Variants in SELENON observed in about 807,000 individuals in gnomAD.
The protein encoded by SELENON is selenoprotein N, 1.
Under a neutral mutation model 59.5 loss-of-function variants are expected in SELENON, and 44 were observed. The ratio of observed to expected loss-of-function variants is 0.74; its 90% CI spans 0.58 to 0.95. The LOEUF (loss-of-function observed/expected upper bound fraction) is 0.95. Among genes scored for constraint, SELENON ranks in the 40% least tolerant of loss-of-function variants. The probability of loss-of-function intolerance (pLI) is 0.00; values close to 1 mark genes in which losing one functional copy is unlikely to be tolerated. For synonymous variants in SELENON, 320 were observed against 305.6 expected (o/e 1.05, Z -0.49); for missense variants, 674 against 721.4 (o/e 0.93, Z 0.75).
chr1:25,808,492 G>C, intron 4 of SELENON, 88 bp from the exon 4 acceptor site: 1 of 1,507,196 alleles, frequency 6.6e-7, no homozygotes, highest in South Asian at 1.1e-5. Context: ...GCTGGCTCGG[G>C]GCTTGAGGGA....
At position 25,808,732 on chromosome 1, in the gene SELENON, G is replaced by A. The variant is rs758811788; in HGVS notation, c.690G>A (p.Met230Ile). 6.2e-7 allele frequency: 1 copy of A among 1,614,094 alleles called. No individual in the cohort carries two copies. The highest frequency in any genetic ancestry group is 1.1e-5 in the South Asian group (1 of 91,090). The change falls in exon 5 of 13, where the codon ATG (methionine) becomes ATA (isoleucine). Residue 230 changes from methionine (M) to isoleucine (I), a missense_variant. By Grantham distance (10) the Met-to-Ile change is conservative (BLOSUM62 1). Transcript: ENST00000361547. ...GGATCATCCCCAGTGAGCTGAGCATGTTCACTGGCTACCTGTCCAACAACC... is the reference window on the plus strand; with the variant it reads ...GGATCATCCCCAGTGAGCTGAGCATATTCACTGGCTACCTGTCCAACAACC...
intron 4 of SELENON, among the ~76,000 whole-genome samples, 173 bp downstream of exon 3, chr1:25,805,448 C>G (rs2124442919): frequency 6.6e-6 from 1 of 152,264 alleles, no homozygotes; most frequent in East Asian, 1.9e-4. Flanking sequence ...GCTGGGGGAG[C>G]AGGAGAGAGA....
At chr1:25,805,451 G>A (rs1307472277) in intron 4 of SELENON, among the ~76,000 whole-genome samples, 176 bp downstream of exon 3, 1 of 152,184 alleles carries the variant, frequency 6.6e-6, no homozygotes, top group Non-Finnish European at 1.5e-5. Context: ...GGGGGAGCAG[G>A]AGAGAGAAGC....
At position 25,813,028 on chromosome 1, in the gene SELENON, G is replaced by C. The variant is rs374818897; in HGVS notation, c.1387+236G>C. On this transcript the variant is annotated intron_variant, in intron 10 of 12. Coordinates refer to ENST00000361547, the MANE Select transcript of SELENON (RefSeq NM_020451.3). Reference sequence around the variant, plus strand: ...GTTCAAACTCAGCCATTGTCAGCTTGGTAACCTTGACCAAGTGTCTTCCCC... The same window carrying C: ...GTTCAAACTCAGCCATTGTCAGCTTCGTAACCTTGACCAAGTGTCTTCCCC... 1.2e-3 allele frequency among the ~76,000 whole-genome samples: 177 copies of C among 152,268 alleles called. 1 individual carries two copies. The highest frequency in any genetic ancestry group is 4.1e-3 in the African/African-American group (172 of 41,550).
At chr1:25,804,677 CAGG>C (rs1439820204) in intron 3 of SELENON, among the ~76,000 whole-genome samples, 1 of 109,518 alleles carries the variant, frequency 9.1e-6, no homozygotes, top group Non-Finnish European at 1.7e-5. Context: ...AAAAAAAAAG[CAGG>C]GGAAAGTGGG....
intron 9 of SELENON, among the ~76,000 whole-genome samples, chr1:25,812,177 C>G (rs1295559132): frequency 6.6e-6 from 1 of 151,982 alleles, no homozygotes. Context: ...CCCATATCTA[C>G]AAAAGAATTT....
At position 25,807,553 on chromosome 1, in the gene SELENON, C is replaced by T. The variant is rs935272736; in HGVS notation, c.538-1027C>T. Reference sequence around the variant, plus strand: ...AGGAGCAGCACCCCTAGCCCTGGCCCCCGAGCAGAGCCCCAGCAAGCCCAG... The same window carrying T: ...AGGAGCAGCACCCCTAGCCCTGGCCTCCGAGCAGAGCCCCAGCAAGCCCAG... On this transcript the variant is annotated intron_variant, in intron 4 of 12. Transcript: ENST00000361547. This position sits in a 1 kb window ranked among gnomAD's most constrained non-coding sequence, Gnocchi z 4.5. 2.0e-5 allele frequency among the ~76,000 whole-genome samples: 3 copies of T among 152,304 alleles called. No individual in the cohort carries two copies. Among genetic ancestry groups the T allele is most frequent in the African/African-American group, 7.2e-5 (3 of 41,580 alleles).
rs1385817288 is a variant in SELENON at position 25,807,100 on chromosome 1, G to A, written c.538-1480G>A. On this transcript the variant is annotated intron_variant, in intron 4 of 12. Coordinates refer to ENST00000361547, the MANE Select transcript of SELENON (RefSeq NM_020451.3). This position sits in a 1 kb window ranked among gnomAD's most constrained non-coding sequence, Gnocchi z 4.5. ...GCCTCCCGAATTATAGGCGTACAGGGATTATAGGGATTACAGGTGTGAGCC... is the reference window on the plus strand; with the variant it reads ...GCCTCCCGAATTATAGGCGTACAGGAATTATAGGGATTACAGGTGTGAGCC... Among the ~76,000 whole-genome samples the A allele has an allele frequency of 6.6e-6, 1 of 151,802 alleles. No homozygotes were observed. Among genetic ancestry groups the A allele is most frequent in the African/African-American group, 2.4e-5 (1 of 41,328 alleles).
At chr1:25,812,113 A>G (rs2047966596) in intron 9 of SELENON, among the ~76,000 whole-genome samples, 1 of 152,194 alleles carries the variant, frequency 6.6e-6, no homozygotes, top group East Asian at 1.9e-4. Flanking sequence ...AGGCTGAGGC[A>G]GAGAATCACT....
chr1:25,814,112 T>C lies in SELENON; in HGVS notation c.1536T>C (p.Ala512=), dbSNP rs1557433883. ...AGAACTCGTCCCACCAGAAGCTGGC[T>C]GGCCTGCACCTGGAGAAGTACAGCT... Residue 512 remains alanine, a synonymous_variant, in exon 12 of 13, where the codon GCT becomes GCC. Transcript: ENST00000361547. 1 of 1,614,200 alleles carries C rather than the reference T, an allele frequency of 6.2e-7. No homozygotes were observed. The highest frequency in any genetic ancestry group is 8.5e-7 in the Non-Finnish European group (1 of 1,180,024).
chr1:25,810,947 C>G (rs578254135), intron 7 of SELENON, among the ~76,000 whole-genome samples: 11 of 152,308 alleles, frequency 7.2e-5, no homozygotes, highest in Non-Finnish European at 1.6e-4. Context: ...TGCTGACCCC[C>G]GGGGGTTACC....
chr1:25,806,620 G>A (rs1298811993), intron 4 of SELENON, among the ~76,000 whole-genome samples: 1 of 152,034 alleles, frequency 6.6e-6, no homozygotes, highest in African/African-American at 2.4e-5. Context: ...AGAGAATGAG[G>A]TCAGTCTGCA....
intron 8 of SELENON, 45 bp downstream of exon 7, chr1:25,811,580 G>T: frequency 1.2e-6 from 2 of 1,608,266 alleles, no homozygotes; most frequent in South Asian, 1.1e-5. Context: ...CGGCTGCAGG[G>T]CCCCGCCCTC....
At chr1:25,811,661 C>G (rs1345330015) in intron 8 of SELENON, 30 bp from the exon 8 acceptor site, 1 of 1,611,188 alleles carries the variant, frequency 6.2e-7, no homozygotes, top group Non-Finnish European at 8.5e-7. Context: ...CATCTCTGAG[C>G]CTTCCCCCTA....
chr1:25,814,184 C>T lies in SELENON; in HGVS notation c.1602+6C>T. 1 of 1,612,008 alleles carries T rather than the reference C, an allele frequency of 6.2e-7. No homozygotes were observed. The highest frequency in any genetic ancestry group is 8.5e-7 in the Non-Finnish European group (1 of 1,178,704). ...GCCTGCCCAATGGCACCGTGGTAGGCACCCCCACTCAGACCCCACAGGGCC... is the reference window on the plus strand; with the variant it reads ...GCCTGCCCAATGGCACCGTGGTAGGTACCCCCACTCAGACCCCACAGGGCC... On this transcript the variant is annotated splice_donor_region_variant and intron_variant, in intron 12 of 12. Transcript: ENST00000361547.
rs1200904614 is a variant in SELENON, at chr1:25,811,496, A to G, written c.1053A>G (p.Glu351=). ...TGGAGTGGCTTTACGGGGCCAGTGA[A>G]AGCAGCAACATGGAGGTGGACATCG... Residue 351 remains glutamate (E), a synonymous_variant, in exon 8 of 13, where the codon GAA becomes GAG. Coordinates refer to ENST00000361547, the MANE Select transcript of SELENON (RefSeq NM_020451.3). 6.2e-7 allele frequency: 1 copy of G among 1,614,112 alleles called. No homozygotes were observed. The highest frequency in any genetic ancestry group is 8.5e-7 in the Non-Finnish European group (1 of 1,180,046).
At chr1:25,803,892 G>A (rs1457443931) in intron 3 of SELENON, among the ~76,000 whole-genome samples, 2 of 151,896 alleles carry the variant, frequency 1.3e-5, no homozygotes, top group East Asian at 1.9e-4. Context: ...TAGTAGAGAC[G>A]GGGTTTCATC....
intron 2 of SELENON, among the ~76,000 whole-genome samples, chr1:25,801,699 C>A (rs980693133): frequency 1.4e-5 from 2 of 143,788 alleles, no homozygotes; most frequent in Non-Finnish European, 3.1e-5. Context: ...AACAAAAAAA[C>A]CATTCCTTGG....
At chr1:25,812,834 C>T in intron 10 of SELENON, 42 bp downstream of exon 9, 1 of 1,469,844 alleles carries the variant, frequency 6.8e-7, no homozygotes, top group East Asian at 2.3e-5. Flanking sequence ...GTGGGAAAGT[C>T]CACACCTTGT....
Sources: gnomAD v4.1 joint callset for allele counts (sites outside exome capture counted in the v4.1 genomes callset) on GRCh38, gnomAD v4.1.1 for gene constraint, Gnocchi (gnomAD v3.1) non-coding constraint, MANE v1.5 for transcripts, NCBI Gene and HGNC (gene_info 2026-07-23, HGNC 2026-07-21) for gene names.